DNMT3A: variants seen among roughly 807,000 people sequenced by gnomAD.
The protein encoded by DNMT3A is DNA (cytosine-5)-methyltransferase 3A.
A neutral mutation model predicts 117.6 loss-of-function variants in DNMT3A; 267 were observed. The observed-to-expected ratio is 2.27, with a 90% confidence interval of 2.05 to 2.51. DNMT3A has a LOEUF of 2.51. Among genes scored for constraint, DNMT3A ranks in the 30% most tolerant of loss-of-function variants. The pLI is 0.00. For missense variants in DNMT3A, 1,029 were observed against 1,260.2 expected, an observed-to-expected ratio of 0.82 and a Z score of 2.78; for synonymous variants, 432 against 474.8, an observed-to-expected ratio of 0.91 and a Z score of 1.17.
chr2:25,246,871 C>A, intron 9 of DNMT3A, 95 bp from the exon 10 acceptor site: 11 of 1,557,006 alleles, frequency 7.1e-6, no homozygotes, highest in Non-Finnish European at 8.7e-6. Context: ...GAGGGTGGCA[C>A]AGGCAAGATG....
At position 25,293,802 on chromosome 2, in the gene DNMT3A, A is replaced by G. The variant is rs527617215; in HGVS notation, c.177+6337T>C. 1.3e-5 allele frequency among the ~76,000 whole-genome samples: 2 copies of G among 152,314 alleles called. No homozygotes were observed. The highest frequency in any genetic ancestry group is 3.9e-4 in the East Asian group (2 of 5,178). On this transcript the variant is annotated intron_variant, in intron 3 of 22. Coordinates refer to ENST00000321117, the MANE Select transcript of DNMT3A (RefSeq NM_022552.5). The surrounding 1 kb of genome is among the most constrained non-coding windows in gnomAD (Gnocchi z 4.7). ...ATTCTCGTGCCTCAGCCTCCTGGGC[A>G]GCTGGGACCACAGGTATGTGCCACC...
At chr2:25,268,953 A>G (rs776940422) in intron 6 of DNMT3A, among the ~76,000 whole-genome samples, 28 of 152,240 alleles carry the variant, frequency 1.8e-4, no homozygotes, top group Non-Finnish European at 3.8e-4. Flanking sequence ...GGCCAGACAG[A>G]GGAAGATGTG....
chr2:25,308,641 T>C (rs1444441444), intron 2 of DNMT3A, among the ~76,000 whole-genome samples: 1 of 151,826 alleles, frequency 6.6e-6, no homozygotes, highest in Non-Finnish European at 1.5e-5. Flanking sequence ...GGCTTTTCTA[T>C]AGCTATTTAA....
Position 25,298,335 on chromosome 2 carries a change from T to A in DNMT3A, c.177+1804A>T, listed in dbSNP as rs927831941. ...CTTCTCTGTCATTGTCTAGGTGATG[T>A]CCCCACACTCCTGTCCCTGACTTCC... On this transcript the variant is annotated intron_variant, in intron 3 of 22. Transcript: ENST00000321117. This position sits in a 1 kb window ranked among gnomAD's most constrained non-coding sequence, Gnocchi z 4.3. 1.3e-5 allele frequency among the ~76,000 whole-genome samples: 2 copies of A among 152,138 alleles called. No homozygotes were observed. The highest frequency in any genetic ancestry group is 1.3e-4 in the Admixed American group (2 of 15,264).
intron 6 of DNMT3A, among the ~76,000 whole-genome samples, chr2:25,264,132 G>GTTTTTTTTTTTTTTTTTTTTTTTT (rs1175186554): frequency 1.4e-5 from 1 of 73,740 alleles, no homozygotes; most frequent in Non-Finnish European, 2.3e-5. Context: ...CAACCCTTTG[G>GTTTTTTTTTTTTTTTTTTTTTTTT]TTTTTTTTTT....
Position 25,234,406 on chromosome 2 carries a change from G to A in DNMT3A, c.2612C>T (p.Pro871Leu), listed in dbSNP as rs1419990763. The change falls in exon 23 of 23, where the codon CCA (proline) becomes CTA (leucine). Residue 871 changes from proline (P) to leucine (L), a missense_variant. By Grantham distance (98) the Pro-to-Leu change is moderately conservative. Coordinates refer to ENST00000321117, the MANE Select transcript of DNMT3A (RefSeq NM_022552.5). The surrounding 1 kb of genome is among the most constrained non-coding windows in gnomAD (Gnocchi z 4.5). ...CTEMERVFGF[P>L]VHYTDVSNMS... ...GTTGGAGACGTCAGTATAGTGGACT[G>A]GGAAACCAAATACCCTGGGGGAGAA... 1 of 1,613,408 alleles carries A rather than the reference G, an allele frequency of 6.2e-7. No individual in the cohort carries two copies. Among genetic ancestry groups the A allele is most frequent in the Non-Finnish European group, 8.5e-7 (1 of 1,179,580 alleles).
chr2:25,264,132 G>GTTTTTTTTTTTTTTTTTTTTT lies in DNMT3A; in HGVS notation c.639+10788_639+10808dup, dbSNP rs1175186554. Among the ~76,000 whole-genome samples the GTTTTTTTTTTTTTTTTTTTTT allele has an allele frequency of 1.5e-4, 11 of 73,758 alleles. 2 individuals carry two copies. The highest frequency in any genetic ancestry group is 1.7e-4 in the African/African-American group (3 of 18,122). 48.4% of individuals were successfully genotyped at this position (73,758 alleles called of 152,430 possible). On this transcript the variant is annotated intron_variant, in intron 6 of 22. Transcript: ENST00000321117. ...TCAGTAAAGGCTGGACAACCCTTTG[G>GTTTTTTTTTTTTTTTTTTTTT]TTTTTTTTTTTTTTTTTTTTTTTTT...
In DNMT3A at chr2:25,265,241, C is replaced by T. The variant is rs558097102; in HGVS notation, c.639+9700G>A. On this transcript the variant is annotated intron_variant, in intron 6 of 22. Transcript: ENST00000321117. ...CCTGGCAAAGAGGCATGGGGAGCAG[C>T]CCCAACAACTGCAGGCCGGGGGCGG... 3.9e-5 allele frequency among the ~76,000 whole-genome samples: 6 copies of T among 152,350 alleles called. No homozygotes were observed. In the South Asian group the frequency reaches 1.0e-3, roughly 26 times the overall value.
intron 1 of DNMT3A, among the ~76,000 whole-genome samples, chr2:25,318,278 G>A (rs7422450): frequency 4.6e-5 from 7 of 152,040 alleles, no homozygotes; most frequent in African/African-American, 1.7e-4. Flanking sequence ...CCGATCAGTT[G>A]GGTTTTTTTG....
At chr2:25,310,710 A>T (rs765982152) in intron 2 of DNMT3A, among the ~76,000 whole-genome samples, 33 of 152,320 alleles carry the variant, frequency 2.2e-4, no homozygotes, top group Non-Finnish European at 4.0e-4. Flanking sequence ...GGGGATTCAC[A>T]TGGAAGAAAA....
chr2:25,337,216 C>T lies in DNMT3A; in HGVS notation c.-178+4610G>A, dbSNP rs1045730053. 1.7e-4 allele frequency among the ~76,000 whole-genome samples: 26 copies of T among 152,284 alleles called. No homozygotes were observed. Among genetic ancestry groups the T allele is most frequent in the African/African-American group, 6.0e-4 (25 of 41,556 alleles). On this transcript the variant is annotated intron_variant, in intron 1 of 22. Coordinates refer to ENST00000321117, the MANE Select transcript of DNMT3A (RefSeq NM_022552.5). The surrounding 1 kb of genome is among the most constrained non-coding windows in gnomAD (Gnocchi z 5.0). The stretch of plus-strand genomic sequence containing the variant: ...TTCAACTCAACAGATTGCTAAGTGT[C>T]GCTGAGAAGCCTCCCACCTCCCAGG...
Position 25,246,233 on chromosome 2 carries a change from T to C in DNMT3A, c.1356A>G (p.Pro452=). 1 of 1,614,154 alleles carries C rather than the reference T, an allele frequency of 6.2e-7. No individual in the cohort carries two copies. The change falls in exon 11 of 23, where the codon CCA becomes CCG. Residue 452 remains proline (P), a synonymous_variant. Transcript: ENST00000321117. ...TGCTCTTCCGGGGCTTTTTGGCTGGTGGAGGTGGTGCGTAGGCAGCTGCCT... is the reference window on the plus strand; with the variant it reads ...TGCTCTTCCGGGGCTTTTTGGCTGGCGGAGGTGGTGCGTAGGCAGCTGCCT... ...EPEAAAYAPP[P]PAKKPRKSTA...
rs935301765 is a variant in DNMT3A at position 25,304,959 on chromosome 2, C to G, written c.73-4716G>C. On this transcript the variant is annotated intron_variant, in intron 2 of 22. Coordinates refer to ENST00000321117, the MANE Select transcript of DNMT3A (RefSeq NM_022552.5). The surrounding 1 kb of genome is among the most constrained non-coding windows in gnomAD (Gnocchi z 4.3). ...CCTTCCTCTCCTATAGTTCCCCTAC[C>G]CAGCAAGGCAACGGTCAGCTCCTTG... 1.2e-4 allele frequency among the ~76,000 whole-genome samples: 19 copies of G among 152,238 alleles called. No homozygotes were observed. Among genetic ancestry groups the G allele is most frequent in the Non-Finnish European group, 2.2e-4 (15 of 68,050 alleles).
At chr2:25,256,718 T>C (rs1339841250) in intron 6 of DNMT3A, among the ~76,000 whole-genome samples, 3 of 152,248 alleles carry the variant, frequency 2.0e-5, no homozygotes, top group African/African-American at 7.2e-5. Context: ...ATCTTTCCCT[T>C]CTGTCCCTTA....
rs565524842 is a variant in DNMT3A, at chr2:25,233,843, T to G, written c.*436A>C. The stretch of plus-strand genomic sequence containing the variant: ...TATATAGATTTCTATAGAATTTCCT[T>G]TTTTCCTCTCTCCCACCTTTCCTCT... On this transcript the variant is annotated 3_prime_UTR_variant, in exon 23 of 23. Coordinates refer to ENST00000321117, the MANE Select transcript of DNMT3A (RefSeq NM_022552.5). 1 of 233,868 alleles carries G rather than the reference T, an allele frequency of 4.3e-6. No homozygotes were observed. The highest frequency in any genetic ancestry group is 1.8e-4 in the South Asian group (1 of 5,504). The allele number at this position is 233,868 out of a possible 1,614,324, so 14.5% of individuals were successfully genotyped here.
chr2:25,341,000 G>C (rs1356492149), intron 1 of DNMT3A, among the ~76,000 whole-genome samples: 1 of 146,076 alleles, frequency 6.8e-6, no homozygotes, highest in African/African-American at 2.5e-5. Flanking sequence ...CCGTGCCGCC[G>C]GCACTCCGGG....
chr2:25,307,012 GT>G (rs1478822820), intron 2 of DNMT3A, among the ~76,000 whole-genome samples: 1 of 152,122 alleles, frequency 6.6e-6, no homozygotes, highest in Non-Finnish European at 1.5e-5. Flanking sequence ...TTGTAGCCGT[GT>G]GGCCTCTCTA....
chr2:25,250,454 C>G (rs1439852830), intron 6 of DNMT3A, among the ~76,000 whole-genome samples: 1 of 152,216 alleles, frequency 6.6e-6, no homozygotes, highest in East Asian at 1.9e-4. Flanking sequence ...AATGAGCTCA[C>G]GGATCGGACT....
At chr2:25,317,821 C>T (rs1033403707) in intron 1 of DNMT3A, among the ~76,000 whole-genome samples, 9 of 152,292 alleles carry the variant, frequency 5.9e-5, no homozygotes, top group Admixed American at 2.0e-4. Context: ...CCGCAACCTC[C>T]GCCTCGCGGG....
Sources: allele counts gnomAD v4.1 joint callset (sites outside exome capture counted in the v4.1 genomes callset), GRCh38; gene constraint gnomAD v4.1.1; non-coding constraint Gnocchi (gnomAD v3.1); transcripts MANE v1.5; gene names NCBI Gene and HGNC (gene_info 2026-07-23, HGNC 2026-07-21).